MBNL2: variants seen among roughly 807,000 people sequenced by gnomAD.
MBNL2 encodes muscleblind-like protein 2.
Under a neutral mutation model 41.9 loss-of-function variants are expected in MBNL2, and 17 were observed. That is an observed-to-expected ratio of 0.41 (90% CI 0.28 to 0.61). MBNL2 has a LOEUF of 0.61. MBNL2 is among the 20% of genes least tolerant of loss of function. The probability of loss-of-function intolerance (pLI) is 0.35; values close to 1 mark genes in which losing one functional copy is unlikely to be tolerated. For synonymous variants in MBNL2, 195 were observed against 182.9 expected (o/e 1.07, Z -0.53); for missense variants, 336 against 505.6 (o/e 0.66, Z 3.22).
intron 1 of MBNL2, among the ~76,000 whole-genome samples, chr13:97,248,738 A>G (rs2045963327): frequency 6.6e-6 from 1 of 152,208 alleles, no homozygotes; most frequent in Non-Finnish European, 1.5e-5. Flanking sequence ...AATCCTATAA[A>G]ATCAGATAAA....
chr13:97,357,594 C>T lies in MBNL2; in HGVS notation c.971C>T (p.Thr324Ile). The change falls in exon 7 of 9, where the codon ACC becomes ATC. Residue 324 changes from threonine to isoleucine, a missense_variant. Physicochemically the swap from Thr to Ile is moderately conservative, Grantham distance 89. Transcript: ENST00000679496. ...PSVLHYQQAL[T>I]SAQLQQHAAF... Reference sequence around the variant, plus strand: ...GTCTTGCACTACCAGCAGGCTCTCACCAGCGCACAGTTGCAGCAACACGCC... The same window carrying T: ...GTCTTGCACTACCAGCAGGCTCTCATCAGCGCACAGTTGCAGCAACACGCC... The T allele has an allele frequency of 6.2e-7, 1 of 1,614,118 alleles. No homozygotes were observed. The highest frequency in any genetic ancestry group is 1.1e-5 in the South Asian group (1 of 91,080).
At chr13:97,354,794 G>A (rs530479199) in intron 5 of MBNL2, among the ~76,000 whole-genome samples, 1 of 152,260 alleles carries the variant, frequency 6.6e-6, no homozygotes, top group African/African-American at 2.4e-5. Flanking sequence ...TAACATGTCA[G>A]AAAAGATCAA....
the MBNL2 span, among the ~76,000 whole-genome samples, chr13:97,157,673 C>T: frequency 2.7e-5 from 4 of 148,800 alleles, no homozygotes; most frequent in Admixed American, 6.7e-5. Context: ...TTGTCTTTGG[C>T]TCTGTTTATA....
chr13:97,389,658 A>C (rs1314263788), intron 8 of MBNL2, among the ~76,000 whole-genome samples: 1 of 152,052 alleles, frequency 6.6e-6, no homozygotes, highest in Non-Finnish European at 1.5e-5. Flanking sequence ...GTGAGCTGTG[A>C]TTACACCACT....
At chr13:97,290,556 G>A (rs1429828353) in intron 2 of MBNL2, among the ~76,000 whole-genome samples, 1 of 151,956 alleles carries the variant, frequency 6.6e-6, no homozygotes, top group Non-Finnish European at 1.5e-5. Context: ...GGCGCCTGTA[G>A]TCCCAGCTAC....
the MBNL2 span, among the ~76,000 whole-genome samples, chr13:97,211,008 G>T: frequency 1.3e-5 from 2 of 151,978 alleles, no homozygotes; most frequent in Admixed American, 6.6e-5. Flanking sequence ...GGCAGGGGTT[G>T]GGTGGGGTGA....
intron 2 of MBNL2, among the ~76,000 whole-genome samples, chr13:97,331,704 T>C (rs2060455116): frequency 6.6e-6 from 1 of 152,178 alleles, no homozygotes. Flanking sequence ...TTACTGCTGT[T>C]ATAAGGAGAA....
chr13:97,178,845 C>G, the MBNL2 span, among the ~76,000 whole-genome samples: 1 of 152,050 alleles, frequency 6.6e-6, no homozygotes, highest in Non-Finnish European at 1.5e-5. Context: ...TGCAGTGAGC[C>G]ATGATTACAC....
At chr13:97,170,800 G>C in the MBNL2 span, among the ~76,000 whole-genome samples, 11 of 152,340 alleles carry the variant, frequency 7.2e-5, no homozygotes, top group African/African-American at 2.4e-4. Flanking sequence ...CATGTCTACA[G>C]TTTAGCAGAA....
intron 2 of MBNL2, among the ~76,000 whole-genome samples, chr13:97,306,235 C>T (rs2058111164): frequency 6.6e-6 from 1 of 152,218 alleles, no homozygotes; most frequent in Non-Finnish European, 1.5e-5. Context: ...ACCTCTTAAC[C>T]CTTGCTCACT....
intron 2 of MBNL2, among the ~76,000 whole-genome samples, chr13:97,307,508 TA>T (rs1429699996): frequency 3.9e-5 from 6 of 152,222 alleles, no homozygotes; most frequent in African/African-American, 1.4e-4. Context: ...GACATACCGT[TA>T]TATTGGATTT....
the MBNL2 span, among the ~76,000 whole-genome samples, chr13:97,162,651 T>G: frequency 1.1e-4 from 16 of 152,270 alleles, no homozygotes; most frequent in African/African-American, 3.8e-4. Context: ...CAAGAGGAAG[T>G]CAGCAGTCAT....
At chr13:97,288,166 G>A (rs943070809) in intron 2 of MBNL2, among the ~76,000 whole-genome samples, 9 of 149,850 alleles carry the variant, frequency 6.0e-5, no homozygotes, top group East Asian at 2.0e-4. Context: ...AAAAATAAAC[G>A]GGCAACTCTG....
chr13:97,281,462 GAAACT>G (rs1438242881), intron 2 of MBNL2, among the ~76,000 whole-genome samples: 1 of 152,194 alleles, frequency 6.6e-6, no homozygotes, highest in Non-Finnish European at 1.5e-5. Flanking sequence ...ATATGATGCA[GAAACT>G]ACTTTTTTTC....
the MBNL2 span, among the ~76,000 whole-genome samples, chr13:97,201,983 T>G: frequency 1.5e-4 from 23 of 152,350 alleles, no homozygotes; most frequent in African/African-American, 5.3e-4. Flanking sequence ...CCTAAAAGAT[T>G]ATGACCTTAT....
the MBNL2 span, among the ~76,000 whole-genome samples, chr13:97,170,344 A>T: frequency 6.6e-6 from 1 of 152,218 alleles, no homozygotes; most frequent in African/African-American, 2.4e-5. Flanking sequence ...AGTAATAATT[A>T]TGGAACATAA....
chr13:97,365,184 C>CT lies in MBNL2; in HGVS notation c.1048+19dup. On this transcript the variant is annotated intron_variant, in intron 8 of 8. Coordinates refer to ENST00000679496, the MANE Select transcript of MBNL2 (RefSeq NM_001382683.1). ...GCTACCAGTATTGGTAGGTTTCAAC[C>CT]TTTTTTATTTGTCTTTTATATGATG... is the stretch of plus-strand genomic sequence containing the variant. 1 of 1,580,876 alleles carries CT rather than the reference C, an allele frequency of 6.3e-7. No individual in the cohort carries two copies. Among genetic ancestry groups the CT allele is most frequent in the Non-Finnish European group, 8.7e-7 (1 of 1,149,868 alleles).
the MBNL2 span, among the ~76,000 whole-genome samples, chr13:97,214,151 A>T: frequency 6.6e-6 from 1 of 151,718 alleles, no homozygotes; most frequent in South Asian, 2.1e-4. Flanking sequence ...TAGGGATCTA[A>T]GCTGCTCATC....
the MBNL2 span, among the ~76,000 whole-genome samples, chr13:97,147,990 A>C: frequency 6.6e-6 from 1 of 152,328 alleles, no homozygotes; most frequent in South Asian, 2.1e-4. Flanking sequence ...GTCAGACGCC[A>C]GTCAATGCTC....
Sources: gnomAD v4.1 joint callset for allele counts (sites outside exome capture counted in the v4.1 genomes callset) on GRCh38, gnomAD v4.1.1 for gene constraint, MANE v1.5 for transcripts, NCBI Gene and HGNC (gene_info 2026-07-23, HGNC 2026-07-21) for gene names.